TMEM71: variants seen among roughly 807,000 people sequenced by gnomAD.
TMEM71 encodes transmembrane protein 71.
In TMEM71, 44 loss-of-function variants were observed where a neutral mutation model predicts 38.0. The observed-to-expected ratio is 1.16, with a 90% CI of 0.91 to 1.49. The LOEUF (loss-of-function observed/expected upper bound fraction) is 1.49. Ranked by LOEUF, TMEM71 falls within the 40% of genes most tolerant of loss-of-function variation. The pLI is 0.00. For synonymous variants in TMEM71, 133 were observed against 122.5 expected, an observed-to-expected ratio of 1.09 and a Z score of -0.56; for missense variants, 367 against 348.6, an observed-to-expected ratio of 1.05 and a Z score of -0.42.
chr8:132,759,962 T>G (rs1193737405), intron 1 of TMEM71, among the ~76,000 whole-genome samples: 1 of 152,192 alleles, frequency 6.6e-6, no homozygotes, highest in Non-Finnish European at 1.5e-5. Flanking sequence ...ATAATCCCAG[T>G]GTAATGTAAT....
chr8:132,766,625 C>A, the TMEM71 span, among the ~76,000 whole-genome samples: 2 of 151,896 alleles, frequency 1.3e-5, no homozygotes, highest in African/African-American at 4.8e-5. Flanking sequence ...CATGAGGAAA[C>A]CTTGTCTCTA....
At chr8:132,753,437 T>G (rs978729340) in intron 3 of TMEM71, among the ~76,000 whole-genome samples, 1 of 152,200 alleles carries the variant, frequency 6.6e-6, no homozygotes, top group Admixed American at 6.5e-5. Context: ...TGGGACCATA[T>G]GCTTCCAGAA....
At chr8:132,753,404 G>A (rs192673622) in intron 3 of TMEM71, among the ~76,000 whole-genome samples, 1 of 152,122 alleles carries the variant, frequency 6.6e-6, no homozygotes, top group Admixed American at 6.6e-5. Flanking sequence ...TACATATTAT[G>A]TATTCCACTT....
intron 5 of TMEM71, among the ~76,000 whole-genome samples, chr8:132,732,099 T>C (rs1197842418): frequency 2.0e-5 from 3 of 152,154 alleles, no homozygotes; most frequent in Non-Finnish European, 4.4e-5. Context: ...TCAAATTAGA[T>C]ATTGCTCTGC....
chr8:132,749,452 G>A (rs1828570099), intron 4 of TMEM71, among the ~76,000 whole-genome samples: 2 of 152,184 alleles, frequency 1.3e-5, no homozygotes, highest in Admixed American at 1.3e-4. Flanking sequence ...CATTAGGTGT[G>A]GTCATGAGTC....
upstream of TMEM71, among the ~76,000 whole-genome samples, chr8:132,761,161 T>C (rs901504109): frequency 4.6e-5 from 7 of 152,218 alleles, no homozygotes; most frequent in Admixed American, 3.3e-4. Context: ...TCTGTACTAC[T>C]GTAAGTGATA....
At chr8:132,772,372 G>A in the TMEM71 span, among the ~76,000 whole-genome samples, 1 of 152,186 alleles carries the variant, frequency 6.6e-6, no homozygotes, top group African/African-American at 2.4e-5. Context: ...TGGAGATGGA[G>A]TGACTGATGG....
rs1358908418 is a variant in TMEM71, at chr8:132,758,824, GTTC to G, written c.40+13_40+15del. ...GTTCAAAAGATAATTGCGTATCACA[GTTC>G]TTCTACATTTACTTGCTACTGGTGT... is the stretch of plus-strand genomic sequence containing the variant. On this transcript the variant is annotated intron_variant, in intron 2 of 9. Coordinates refer to ENST00000677595, the MANE Select transcript of TMEM71 (RefSeq NM_001382403.1). The G allele has an allele frequency of 3.1e-6, 5 of 1,610,674 alleles. No individual in the cohort carries two copies. The highest frequency in any genetic ancestry group is 4.5e-5 in the East Asian group (2 of 44,846).
rs912785048 is a variant in TMEM71, at chr8:132,733,416, C to T, written c.488-5430G>A. Among the ~76,000 whole-genome samples the T allele has an allele frequency of 4.6e-5, 7 of 152,258 alleles. No homozygotes were observed. In the East Asian group the frequency reaches 5.8e-4, roughly 13 times the overall value. ...GAAAGTGGGTCAGTATTTGCCACCA[C>T]GGAGGCTAAGTTTGAGCTAAGACTG... On this transcript the variant is annotated intron_variant, in intron 5 of 9. Coordinates refer to ENST00000677595, the MANE Select transcript of TMEM71 (RefSeq NM_001382403.1).
chr8:132,735,651 C>T (rs1221898805), intron 5 of TMEM71, among the ~76,000 whole-genome samples: 1 of 152,164 alleles, frequency 6.6e-6, no homozygotes, highest in African/African-American at 2.4e-5. Flanking sequence ...CATGCACGTG[C>T]AGCATTGCTG....
At position 132,758,843 on chromosome 8, in the gene TMEM71, C is replaced by T; in HGVS notation, c.37G>A (p.Ala13Thr). 1 of 1,613,532 alleles carries T rather than the reference C, an allele frequency of 6.2e-7. No individual in the cohort carries two copies. The highest frequency in any genetic ancestry group is 1.3e-5 in the African/African-American group (1 of 75,020). ...RISQLMSTPVASSSRLEREYA... is the reference protein window; with the variant it reads ...RISQLMSTPVTSSSRLEREYA... ...ATCACAGTTCTTCTACATTTACTTG[C>T]TACTGGTGTTGACATCAGTTGAGAT... The change falls in exon 2 of 10, where the codon GCA becomes ACA. Residue 13 changes from alanine (A) to threonine (T), a missense_variant. Coordinates refer to ENST00000677595, the MANE Select transcript of TMEM71 (RefSeq NM_001382403.1).
chr8:132,775,384 C>A, the TMEM71 span: 4 of 373,736 alleles, frequency 1.1e-5, no homozygotes, highest in East Asian at 1.6e-4. Flanking sequence ...CCCGGCGTCG[C>A]GTCAGGGCTG....
rs1826180316 is a variant in TMEM71 at position 132,710,469 on chromosome 8, C to T, written c.*498G>A. On this transcript the variant is annotated 3_prime_UTR_variant, in exon 10 of 10. Coordinates refer to ENST00000677595, the MANE Select transcript of TMEM71 (RefSeq NM_001382403.1). ...TGAGGTGAATGACAAACTTTTGCAG[C>T]ATTATATTTTATGTACAAATTGCAT... 1 of 183,302 alleles carries T rather than the reference C, an allele frequency of 5.5e-6. No homozygotes were observed. Among genetic ancestry groups the T allele is most frequent in the Non-Finnish European group, 1.1e-5 (1 of 89,744 alleles). 11.4% of individuals were successfully genotyped at this position (183,302 alleles called of 1,614,324 possible).
rs372458617 is a variant in TMEM71 at position 132,711,072 on chromosome 8, A to G, written c.873-90T>C. 22 of 1,225,064 alleles carry G rather than the reference A, an allele frequency of 1.8e-5. 1 individual carries two copies. In the African/African-American group the frequency reaches 2.5e-4, roughly 14 times the overall value. 75.9% of individuals were successfully genotyped at this position (1,225,064 alleles called of 1,614,324 possible). A position where few individuals can be genotyped will look rare whatever the true frequency, so the allele number is the denominator to read the frequency against. ...AATCACTGCATACCCATTTGCGCAT[A>G]TATAAGCACACACCCACACCCATAC... On this transcript the variant is annotated intron_variant, in intron 9 of 9. Coordinates refer to ENST00000677595, the MANE Select transcript of TMEM71 (RefSeq NM_001382403.1).
chr8:132,772,988 T>G, the TMEM71 span, among the ~76,000 whole-genome samples: 2 of 152,232 alleles, frequency 1.3e-5, no homozygotes, highest in African/African-American at 4.8e-5. Context: ...ATTACACAGT[T>G]GCTTCATTCC....
downstream of TMEM71, among the ~76,000 whole-genome samples, chr8:132,707,910 C>T (rs747808309): frequency 6.6e-6 from 1 of 152,098 alleles, no homozygotes; most frequent in Non-Finnish European, 1.5e-5. Context: ...AGTACAGGAA[C>T]CTCGTCTGTA....
At chr8:132,756,282 C>A (rs1470133720) in intron 3 of TMEM71, among the ~76,000 whole-genome samples, 1 of 151,244 alleles carries the variant, frequency 6.6e-6, no homozygotes, top group African/African-American at 2.4e-5. Flanking sequence ...TCTTGTAAAA[C>A]AAGATAGGAA....
At chr8:132,713,965 G>C in intron 9 of TMEM71, 30 bp downstream of exon 9, 1 of 1,608,690 alleles carries the variant, frequency 6.2e-7, no homozygotes, top group Non-Finnish European at 8.5e-7. Flanking sequence ...CCTTGGTCCA[G>C]ACAATAATGA....
In TMEM71 at chr8:132,722,697, G is replaced by T. The variant is rs369971322; in HGVS notation, c.677-582C>A. 1.8e-4 allele frequency among the ~76,000 whole-genome samples: 28 copies of T among 152,232 alleles called. 1 individual carries two copies. In the South Asian group the frequency reaches 5.4e-3, roughly 29 times the overall value. On this transcript the variant is annotated intron_variant, in intron 6 of 9. Transcript: ENST00000677595. ...ATAACATTTTGTCTGAAGTGGGCAGGGAAAGACAATTGCAACTTTGCATAA... is the reference window on the plus strand; with the variant it reads ...ATAACATTTTGTCTGAAGTGGGCAGTGAAAGACAATTGCAACTTTGCATAA...
Sources: allele counts gnomAD v4.1 joint callset (sites outside exome capture counted in the v4.1 genomes callset), GRCh38; gene constraint gnomAD v4.1.1; transcripts MANE v1.5; gene names NCBI Gene and HGNC (gene_info 2026-07-23, HGNC 2026-07-21).